SASH1: variants seen among roughly 807,000 people sequenced by gnomAD.
SASH1 encodes SAM and SH3 domain containing 1, also known as SAM and SH3 domain-containing protein 1.
SASH1 carries 44 observed loss-of-function variants against 125.2 expected under a neutral mutation model. That is an observed-to-expected ratio of 0.35 (90% CI 0.28 to 0.45). SASH1 has a LOEUF of 0.45. Among genes scored for constraint, SASH1 ranks in the 20% least tolerant of loss-of-function variants. The probability of loss-of-function intolerance (pLI) is 1.00; values close to 1 mark genes in which losing one functional copy is unlikely to be tolerated. For synonymous variants in SASH1, 639 were observed against 649.1 expected (o/e 0.98, Z 0.24); for missense variants, 1,426 against 1,614.5 (o/e 0.88, Z 2.00).
chr6:148,523,436 G>T (rs1780931989), intron 10 of SASH1, among the ~76,000 whole-genome samples: 1 of 152,162 alleles, frequency 6.6e-6, no homozygotes, highest in Non-Finnish European at 1.5e-5. Flanking sequence ...GTGTAGAAAG[G>T]TTTTTCTCTT....
At chr6:148,389,982 G>T (rs1171518059) in intron 1 of SASH1, 152 bp from the exon 2 acceptor site, 2 of 815,046 alleles carry the variant, frequency 2.5e-6, no homozygotes, top group Non-Finnish European at 3.9e-6. Flanking sequence ...TGAGGGTTAG[G>T]AGATCCTGCA....
chr6:148,198,596 A>G, the SASH1 span, among the ~76,000 whole-genome samples: 3 of 152,236 alleles, frequency 2.0e-5, no homozygotes, highest in African/African-American at 4.8e-5. Context: ...GAAGCAAGCC[A>G]CCACAACTGG....
At chr6:148,504,190 G>A (rs1181113014) in intron 8 of SASH1, among the ~76,000 whole-genome samples, 3 of 152,150 alleles carry the variant, frequency 2.0e-5, no homozygotes, top group Non-Finnish European at 4.4e-5. Flanking sequence ...AGGAGTTAGG[G>A]GTGTGGATGC....
rs1445953126 is a variant in SASH1, at chr6:148,368,775, C to CACACACACACACACACACACACACAT, written c.157-21339_157-21338insACACATACACACACACACACACACAC. Among the ~76,000 whole-genome samples the CACACACACACACACACACACACACAT allele has an allele frequency of 6.6e-5, 10 of 151,710 alleles. No individual in the cohort carries two copies. The South Asian group carries it at 1.0e-3, about 16-fold the overall frequency. ...ACATGCGCGCGCACGCGCGCGCACA[C>CACACACACACACACACACACACACAT]ACACACACACACACACACACGGGGT... On this transcript the variant is annotated intron_variant, in intron 1 of 19. Transcript: ENST00000367467.
intron 10 of SASH1, among the ~76,000 whole-genome samples, chr6:148,523,627 G>A (rs1311410618): frequency 6.6e-6 from 1 of 152,296 alleles, no homozygotes. Context: ...GTCACGAAAT[G>A]CTTTCCTTAT....
chr6:148,536,542 G>C (rs1781857858), intron 16 of SASH1, among the ~76,000 whole-genome samples: 1 of 152,192 alleles, frequency 6.6e-6, no homozygotes, highest in Non-Finnish European at 1.5e-5. Flanking sequence ...GTTTCACCAT[G>C]ATGGCCAAGC....
chr6:148,530,817 C>G (rs530684894), intron 12 of SASH1, among the ~76,000 whole-genome samples: 1 of 152,324 alleles, frequency 6.6e-6, no homozygotes, highest in African/African-American at 2.4e-5. Context: ...GAGGATAATA[C>G]TTAGCTACTC....
intron 1 of SASH1, among the ~76,000 whole-genome samples, chr6:148,364,863 C>G (rs1338413022): frequency 6.6e-6 from 1 of 152,144 alleles, no homozygotes; most frequent in Non-Finnish European, 1.5e-5. Flanking sequence ...TGCTTCATGC[C>G]TGTAATCTCA....
At chr6:148,459,644 A>G (rs1777525378) in intron 4 of SASH1, among the ~76,000 whole-genome samples, 1 of 152,146 alleles carries the variant, frequency 6.6e-6, no homozygotes, top group African/African-American at 2.4e-5. Context: ...TAAGAAATGG[A>G]AGTATATTTG....
intron 1 of SASH1, among the ~76,000 whole-genome samples, chr6:148,288,872 G>C (rs1011779795): frequency 1.3e-5 from 2 of 152,204 alleles, no homozygotes; most frequent in East Asian, 1.9e-4. Flanking sequence ...CTGGTTACCA[G>C]ACAAGACTGG....
the SASH1 span, among the ~76,000 whole-genome samples, chr6:148,233,762 A>AAAAAAAAAAAAAAAAAAAAAAAAAC: frequency 7.0e-6 from 1 of 142,552 alleles, no homozygotes; most frequent in Non-Finnish European, 1.6e-5. Context: ...AAAAAAAAAA[A>AAAAAAAAAAAAAAAAAAAAAAAAAC]ATTAGCTGGA....
chr6:148,265,923 G>C, the SASH1 span, among the ~76,000 whole-genome samples: 108 of 151,880 alleles, frequency 7.1e-4, 1 homozygote, highest in Non-Finnish European at 1.3e-3. Flanking sequence ...ATTAGAAGTG[G>C]TAATACAATT....
At chr6:148,213,496 T>G in the SASH1 span, among the ~76,000 whole-genome samples, 1 of 120,572 alleles carries the variant, frequency 8.3e-6, no homozygotes, top group Admixed American at 8.2e-5. Flanking sequence ...TGGAATTCCC[T>G]AGCCAAAGGG....
At chr6:148,387,497 TTC>T (rs200134729) in intron 1 of SASH1, among the ~76,000 whole-genome samples, 24 of 137,180 alleles carry the variant, frequency 1.7e-4, no homozygotes, top group South Asian at 9.1e-4. Context: ...CCCTTCTCTC[TTC>T]TCTCTCTTTC....
At chr6:148,513,879 G>A in intron 8 of SASH1, 1 of 986,366 alleles carries the variant, frequency 1.0e-6, no homozygotes, top group Middle Eastern at 5.2e-4. Context: ...GCTGGAAAAA[G>A]CCAACAGAAT....
intron 8 of SASH1, among the ~76,000 whole-genome samples, chr6:148,493,559 C>T (rs550860073): frequency 2.6e-5 from 4 of 152,298 alleles, no homozygotes; most frequent in African/African-American, 9.6e-5. Flanking sequence ...GATCACAAGG[C>T]CTTTGTCACC....
Position 148,302,766 on chromosome 6 carries a change from G to GTT in SASH1, n.74+30390_74+30391insTT, listed in dbSNP as rs1780004627. ...CTGTGTGTATGTATTTATATACTGT[G>GTT]TGTGTGTATATATATATGTGTGTGT... On this transcript the variant is annotated intron_variant and non_coding_transcript_variant, in intron 1 of 3. Coordinates refer to the SASH1 transcript ENST00000367469. Among the ~76,000 whole-genome samples the GTT allele has an allele frequency of 2.1e-5, 3 of 141,164 alleles. No individual in the cohort carries two copies. The South Asian group carries it at 6.7e-4, about 32-fold the overall frequency. 92.6% of individuals were successfully genotyped at this position (141,164 alleles called of 152,430 possible). A position where few individuals can be genotyped will look rare whatever the true frequency, so the allele number is the denominator to read the frequency against.
chr6:148,455,666 A>G (rs1040173514), intron 4 of SASH1, among the ~76,000 whole-genome samples: 6 of 152,220 alleles, frequency 3.9e-5, no homozygotes, highest in Admixed American at 1.3e-4. Flanking sequence ...TTCCATTTTC[A>G]TAGTATTTAT....
chr6:148,406,892 C>A (rs1488688398), intron 2 of SASH1, among the ~76,000 whole-genome samples: 1 of 149,392 alleles, frequency 6.7e-6, no homozygotes, highest in East Asian at 2.0e-4. Context: ...GAGAATCAGG[C>A]TCTCCAAGGG....
Sources: allele counts gnomAD v4.1 joint callset (sites outside exome capture counted in the v4.1 genomes callset), GRCh38; gene constraint gnomAD v4.1.1; transcripts MANE v1.5; gene names NCBI Gene and HGNC (gene_info 2026-07-23, HGNC 2026-07-21).